The following TEC variants were observed in gnomAD, a reference collection of about 807,000 sequenced individuals.
TEC encodes tyrosine-protein kinase Tec.
TEC carries 72 observed loss-of-function variants against 93.0 expected under a neutral mutation model. That is an observed-to-expected ratio of 0.77 (90% CI 0.64 to 0.94). The LOEUF (loss-of-function observed/expected upper bound fraction) is 0.94. Among genes scored for constraint, TEC ranks in the 40% least tolerant of loss-of-function variants. The pLI is 0.00. For synonymous variants in TEC, 249 were observed against 247.7 expected (o/e 1.01, Z -0.05); for missense variants, 630 against 757.9 (o/e 0.83, Z 1.98).
At chr4:48,157,562 C>T (rs1208734932) in intron 8 of TEC, among the ~76,000 whole-genome samples, 1 of 152,224 alleles carries the variant, frequency 6.6e-6, no homozygotes, top group Non-Finnish European at 1.5e-5. Flanking sequence ...ATTACCCAGA[C>T]TAAAGTGCAG....
intron 17 of TEC, among the ~76,000 whole-genome samples, chr4:48,138,236 T>C (rs967105030): frequency 2.6e-5 from 4 of 152,218 alleles, no homozygotes; most frequent in African/African-American, 9.6e-5. Flanking sequence ...TCAGAAGTCA[T>C]TTGGTATCTA....
intron 1 of TEC, among the ~76,000 whole-genome samples, chr4:48,262,884 A>G (rs999572669): frequency 5.3e-5 from 8 of 152,206 alleles, no homozygotes; most frequent in East Asian, 1.9e-4. Context: ...TGTATTGCCA[A>G]TGCATAGCTG....
chr4:48,141,949 G>C (rs548964820), intron 14 of TEC, among the ~76,000 whole-genome samples: 1 of 151,934 alleles, frequency 6.6e-6, no homozygotes, highest in African/African-American at 2.4e-5. Context: ...CAACCTCACC[G>C]GCCAACTGTC....
chr4:48,219,242 G>A lies in TEC; in HGVS notation c.138+9235C>T, dbSNP rs145451657. Among the ~76,000 whole-genome samples the A allele has an allele frequency of 1.7e-3, 259 of 152,320 alleles. 2 individuals are homozygous for A. The highest frequency in any genetic ancestry group is 6.8e-3 in the Middle Eastern group (2 of 294). On this transcript the variant is annotated intron_variant, in intron 2 of 17. Transcript: ENST00000381501. ...AAGAGGTGAACCTTCTGTCATGCCC[G>A]CATAAGGACCGCTTGAGGGCTCCTT...
chr4:48,173,219 T>C (rs983749587), intron 3 of TEC, among the ~76,000 whole-genome samples: 2 of 152,170 alleles, frequency 1.3e-5, no homozygotes, highest in African/African-American at 4.8e-5. Flanking sequence ...GCAGTCTAAC[T>C]TCCCCACAAA....
chr4:48,208,593 T>C (rs1722791277), intron 2 of TEC, among the ~76,000 whole-genome samples: 1 of 152,064 alleles, frequency 6.6e-6, no homozygotes, highest in Non-Finnish European at 1.5e-5. Flanking sequence ...CTGGGGTCCT[T>C]TGTACTCTTG....
At chr4:48,149,978 G>A (rs746611864) in intron 10 of TEC, among the ~76,000 whole-genome samples, 3 of 152,186 alleles carry the variant, frequency 2.0e-5, no homozygotes, top group Non-Finnish European at 4.4e-5. Context: ...GCTATTAGCA[G>A]CTACTGCTTT....
chr4:48,171,290 A>G lies in TEC; in HGVS notation c.325+78T>C, dbSNP rs1296244285. Reference sequence around the variant, plus strand: ...AGATTACAAATGCAATAGATACATTAGCTGTATTTCTGTCTTAATGATAAC... The same window carrying G: ...AGATTACAAATGCAATAGATACATTGGCTGTATTTCTGTCTTAATGATAAC... On this transcript the variant is annotated intron_variant, in intron 4 of 17. Transcript: ENST00000381501. The G allele has an allele frequency of 3.6e-6, 4 of 1,124,314 alleles. No homozygotes were observed. The African/African-American group carries it at 6.3e-5, about 18-fold the overall frequency. The allele number at this position is 1,124,314 out of a possible 1,614,324, so 69.6% of individuals were successfully genotyped here.
At chr4:48,212,230 CA>C (rs1486813402) in intron 2 of TEC, among the ~76,000 whole-genome samples, 7 of 151,660 alleles carry the variant, frequency 4.6e-5, no homozygotes, top group Non-Finnish European at 1.0e-4. Flanking sequence ...TAACACCTCA[CA>C]GGGGTACAGT....
At chr4:48,189,640 A>C (rs1722022699) in intron 2 of TEC, among the ~76,000 whole-genome samples, 1 of 152,238 alleles carries the variant, frequency 6.6e-6, no homozygotes, top group African/African-American at 2.4e-5. Flanking sequence ...ATTTACGTGA[A>C]ACTCAGTGTT....
chr4:48,140,673 G>A (rs1478199249), intron 15 of TEC, among the ~76,000 whole-genome samples: 1 of 152,102 alleles, frequency 6.6e-6, no homozygotes, highest in African/African-American at 2.4e-5. Flanking sequence ...CTATTTTTAT[G>A]GACAGCAACA....
Position 48,137,333 on chromosome 4 carries a change from C to A in TEC, c.*83G>T. 1 of 1,081,844 alleles carries A rather than the reference C, an allele frequency of 9.2e-7. No individual in the cohort carries two copies. The highest frequency in any genetic ancestry group is 1.4e-6 in the Non-Finnish European group (1 of 715,650). 67.0% of individuals were successfully genotyped at this position (1,081,844 alleles called of 1,614,324 possible). A position where few individuals can be genotyped will look rare whatever the true frequency, so the allele number is the denominator to read the frequency against. ...TGTATAAGTAAAATGATCTACATGT[C>A]CAAGTGCTCAATAAATTAAAAGCCA... On this transcript the variant is annotated 3_prime_UTR_variant, in exon 18 of 18. Transcript: ENST00000381501.
At chr4:48,228,077 A>G (rs2109638565) in intron 2 of TEC, among the ~76,000 whole-genome samples, 1 of 152,348 alleles carries the variant, frequency 6.6e-6, no homozygotes, top group East Asian at 1.9e-4. Context: ...TGAGTCCACC[A>G]AATCACCAAC....
chr4:48,206,743 C>T (rs1402873565), intron 2 of TEC, among the ~76,000 whole-genome samples: 3 of 145,332 alleles, frequency 2.1e-5, no homozygotes, highest in African/African-American at 7.8e-5. Flanking sequence ...TAGTTCAAGA[C>T]CAGCCTGGGC....
chr4:48,194,627 G>A (rs1374370057), intron 2 of TEC, among the ~76,000 whole-genome samples: 2 of 152,210 alleles, frequency 1.3e-5, no homozygotes, highest in Non-Finnish European at 2.9e-5. Flanking sequence ...TGGGAAGTTT[G>A]ATGAGTAGAT....
intron 8 of TEC, among the ~76,000 whole-genome samples, chr4:48,157,810 C>T (rs1720463001): frequency 6.6e-6 from 1 of 152,190 alleles, no homozygotes; most frequent in Non-Finnish European, 1.5e-5. Context: ...GCCACCATGC[C>T]TGGCCCTGTA....
At chr4:48,159,580 G>A (rs1720542286) in intron 8 of TEC, among the ~76,000 whole-genome samples, 1 of 149,416 alleles carries the variant, frequency 6.7e-6, no homozygotes, top group Non-Finnish European at 1.5e-5. Context: ...TTTGAGATGG[G>A]GTTTCACACT....
chr4:48,196,684 A>C (rs1302961242), intron 2 of TEC, among the ~76,000 whole-genome samples: 1 of 152,226 alleles, frequency 6.6e-6, no homozygotes, highest in Non-Finnish European at 1.5e-5. Context: ...ATGTCTTATA[A>C]AAGCCATGAA....
At chr4:48,237,745 A>AC (rs1723824659) in intron 1 of TEC, among the ~76,000 whole-genome samples, 1 of 152,212 alleles carries the variant, frequency 6.6e-6, no homozygotes, top group Non-Finnish European at 1.5e-5. Context: ...ATTAAAACTT[A>AC]GTTAAAGCCC....
Sources: allele counts gnomAD v4.1 joint callset (sites outside exome capture counted in the v4.1 genomes callset), GRCh38; gene constraint gnomAD v4.1.1; transcripts MANE v1.5; gene names NCBI Gene and HGNC (gene_info 2026-07-23, HGNC 2026-07-21).